The following TCN2 variants were observed in gnomAD, a reference collection of about 807,000 sequenced individuals.
TCN2 encodes the protein transcobalamin 2, also known as transcobalamin-2.
In TCN2, 34 loss-of-function variants were observed where a neutral mutation model predicts 48.6. The observed-to-expected ratio is 0.70, with a 90% CI of 0.53 to 0.93. TCN2 has a LOEUF of 0.93. Ranked by LOEUF, TCN2 falls within the 40% of genes least tolerant of loss-of-function variation. TCN2 has a pLI of 0.00. For synonymous variants in TCN2, 283 were observed against 212.5 expected (o/e 1.33, Z -2.89); for missense variants, 652 against 526.1 (o/e 1.24, Z -2.34).
chr22:30,608,581 G>A (rs1279424122), intron 1 of TCN2, among the ~76,000 whole-genome samples: 1 of 151,120 alleles, frequency 6.6e-6, no homozygotes, highest in African/African-American at 2.4e-5. Context: ...GTAGAGACAG[G>A]GTTTCGCCAT....
At chr22:30,611,689 G>T (rs2087544075) in intron 2 of TCN2, among the ~76,000 whole-genome samples, 1 of 152,182 alleles carries the variant, frequency 6.6e-6, no homozygotes, top group East Asian at 1.9e-4. Flanking sequence ...TGTATTTTTG[G>T]TAGAGATAGG....
chr22:30,614,163 T>C (rs1201056509), intron 3 of TCN2, among the ~76,000 whole-genome samples, 186 bp from the exon 4 acceptor site: 1 of 152,104 alleles, frequency 6.6e-6, no homozygotes, highest in Non-Finnish European at 1.5e-5. Context: ...GTCTCCTGCT[T>C]CCTCTAAGCA....
At chr22:30,614,311 G>T in intron 3 of TCN2, 38 bp from the exon 4 acceptor site, 1 of 1,606,372 alleles carries the variant, frequency 6.2e-7, no homozygotes, top group East Asian at 2.3e-5. Context: ...TGCTGGGTGG[G>T]GGCAGAGAGG....
intron 8 of TCN2, among the ~76,000 whole-genome samples, chr22:30,623,747 C>CATATATGTAT (rs1383830212): frequency 1.8e-5 from 2 of 109,308 alleles, no homozygotes; most frequent in Non-Finnish European, 3.6e-5. Context: ...TATATATACA[C>CATATATGTAT]ACATATATAT....
In TCN2 at chr22:30,626,777, A is replaced by G. The variant is rs2087817461; in HGVS notation, c.*256A>G. 1 of 583,316 alleles carries G rather than the reference A, an allele frequency of 1.7e-6. No individual in the cohort carries two copies. The highest frequency in any genetic ancestry group is 3.1e-6 in the Non-Finnish European group (1 of 325,492). 36.1% of individuals were successfully genotyped at this position (583,316 alleles called of 1,614,324 possible). The stretch of plus-strand genomic sequence containing the variant: ...GCCAGCCTGGCCCTGCAGGTCTCCC[A>G]TGAAGGCCACCCCATGGTCTGATGG... On this transcript the variant is annotated 3_prime_UTR_variant, in exon 9 of 9. Coordinates refer to ENST00000215838, the MANE Select transcript of TCN2 (RefSeq NM_000355.4).
chr22:30,612,746 G>T, intron 2 of TCN2, 127 bp from the exon 3 acceptor site: 1 of 1,163,430 alleles, frequency 8.6e-7, no homozygotes, highest in Non-Finnish European at 1.2e-6. Flanking sequence ...ACCTCCTTTT[G>T]GAGCTTTTAT....
Position 30,617,312 on chromosome 22 carries a change from C to T in TCN2, c.941-18C>T. 1 of 1,614,110 alleles carries T rather than the reference C, an allele frequency of 6.2e-7. No homozygotes were observed. The highest frequency in any genetic ancestry group is 8.5e-7 in the Non-Finnish European group (1 of 1,180,002). On this transcript the variant is annotated intron_variant, in intron 6 of 8. Transcript: ENST00000215838. Reference sequence around the variant, plus strand: ...TCTGTCCTCACACCAGCTGCCCGCCCCTTTCTTCCTGGCACAGTCATGTTG... The same window carrying T: ...TCTGTCCTCACACCAGCTGCCCGCCTCTTTCTTCCTGGCACAGTCATGTTG...
intron 2 of TCN2, among the ~76,000 whole-genome samples, chr22:30,611,982 A>T (rs1272079477): frequency 6.6e-6 from 1 of 152,016 alleles, no homozygotes; most frequent in East Asian, 1.9e-4. Context: ...CATACCTGTA[A>T]TCCCAACATT....
rs1569047035 is a variant in TCN2, at chr22:30,623,975, T to TATGTATACATATATACACACAC, written c.1222+894_1222+895insGTATACATATATACACACACAT. On this transcript the variant is annotated intron_variant, in intron 8 of 8. Coordinates refer to ENST00000215838, the MANE Select transcript of TCN2 (RefSeq NM_000355.4). Reference sequence around the variant, plus strand: ...ATGTATACATATATACACACACATATATATGTATACATATATACACACATA... The same window carrying TATGTATACATATATACACACAC: ...ATGTATACATATATACACACACATATATGTATACATATATACACACACATATGTATACATATATACACACATA... Among the ~76,000 whole-genome samples, 6 of 15,594 alleles carry TATGTATACATATATACACACAC rather than the reference T, an allele frequency of 3.8e-4. 1 individual carries two copies. The highest frequency in any genetic ancestry group is 3.2e-4 in the African/African-American group (1 of 3,120). The allele number at this position is 15,594 out of a possible 152,430, so 10.2% of individuals were successfully genotyped here. A position where few individuals can be genotyped will look rare whatever the true frequency, so the allele number is the denominator to read the frequency against.
intron 8 of TCN2, among the ~76,000 whole-genome samples, chr22:30,625,616 C>T (rs766165991): frequency 6.6e-6 from 1 of 152,072 alleles, no homozygotes; most frequent in Non-Finnish European, 1.5e-5. Flanking sequence ...GCCCATGGCA[C>T]AAAGCCCAGC....
chr22:30,614,286 G>T, intron 3 of TCN2, 63 bp from the exon 4 acceptor site: 1 of 1,583,308 alleles, frequency 6.3e-7, no homozygotes, highest in Non-Finnish European at 8.6e-7. Flanking sequence ...GGTCCCAGGT[G>T]CTGGCGGGGC....
chr22:30,622,035 TG>T (rs1227778471), intron 7 of TCN2, among the ~76,000 whole-genome samples: 1 of 152,206 alleles, frequency 6.6e-6, no homozygotes, highest in Non-Finnish European at 1.5e-5. Flanking sequence ...TTGCCCAGGC[TG>T]GGGTACAATG....
intron 7 of TCN2, among the ~76,000 whole-genome samples, chr22:30,619,224 G>A (rs1318607266): frequency 2.0e-5 from 3 of 152,128 alleles, no homozygotes; most frequent in African/African-American, 7.2e-5. Context: ...ACAGGCATGC[G>A]CCACCACGCT....
chr22:30,614,349 G>T lies in TCN2; in HGVS notation c.428G>T (p.Gly143Val), dbSNP rs1357321229. Residue 143 changes from glycine to valine, a missense_variant and splice_region_variant, in exon 4 of 9, where the codon GGG becomes GTG. By Grantham distance (109) the Gly-to-Val change is moderately radical (BLOSUM62 -3). Coordinates refer to ENST00000215838, the MANE Select transcript of TCN2 (RefSeq NM_000355.4). ...ACCCCTCTGTTTTTTTCCCTCTCAG[G>T]GCATGATCACAAGGGCCACCCCCAC... is the stretch of plus-strand genomic sequence containing the variant. Reference protein sequence around the residue: ...WFLEDEKRAIGHDHKGHPHTS... With the variant: ...WFLEDEKRAIVHDHKGHPHTS... 6.2e-7 allele frequency: 1 copy of T among 1,614,078 alleles called. No homozygotes were observed. Among genetic ancestry groups the T allele is most frequent in the Non-Finnish European group, 8.5e-7 (1 of 1,179,992 alleles).
At chr22:30,607,541 T>C in intron 1 of TCN2, 146 bp downstream of exon 1, 1 of 735,820 alleles carries the variant, frequency 1.4e-6, no homozygotes, top group South Asian at 1.8e-5. Context: ...ACACATCCTA[T>C]TGTGATTGAT....
At chr22:30,608,273 C>T (rs1253417527) in intron 1 of TCN2, among the ~76,000 whole-genome samples, 1 of 152,206 alleles carries the variant, frequency 6.6e-6, no homozygotes, top group Non-Finnish European at 1.5e-5. Flanking sequence ...CAGTCATGTC[C>T]AGGTGTCAAG....
chr22:30,624,512 TTC>T (rs2087773802), intron 8 of TCN2, among the ~76,000 whole-genome samples: 1 of 150,010 alleles, frequency 6.7e-6, no homozygotes, highest in African/African-American at 2.4e-5. Context: ...AGGTGGGACT[TTC>T]TGAGGGAGCC....
At chr22:30,617,714 C>T (rs2087634511) in intron 7 of TCN2, 2 of 615,394 alleles carry the variant, frequency 3.2e-6, no homozygotes, top group Non-Finnish European at 5.6e-6. Context: ...GGAGGCAGAG[C>T]CCCCCAGTTG....
chr22:30,626,438 C>T (rs756704050), intron 8 of TCN2, 22 bp from the exon 9 acceptor site: 1 of 1,613,956 alleles, frequency 6.2e-7, no homozygotes, highest in Non-Finnish European at 8.5e-7. Flanking sequence ...TTCGCCCCTC[C>T]TTGCTCAATC....
Sources: gnomAD v4.1 joint callset for allele counts (sites outside exome capture counted in the v4.1 genomes callset) on GRCh38, gnomAD v4.1.1 for gene constraint, MANE v1.5 for transcripts, NCBI Gene and HGNC (gene_info 2026-07-23, HGNC 2026-07-21) for gene names.